ZC3H4: variants seen among roughly 807,000 people sequenced by gnomAD.
ZC3H4 encodes the protein zinc finger CCCH domain-containing protein 4.
Under a neutral mutation model 108.3 loss-of-function variants are expected in ZC3H4, and 13 were observed. That is an observed-to-expected ratio of 0.12 (90% confidence interval 0.08 to 0.19). The LOEUF (loss-of-function observed/expected upper bound fraction) is 0.19, where lower values mean the gene tolerates loss of function less well. ZC3H4 is among the 10% of genes least tolerant of loss of function. The pLI is 1.00. For missense variants in ZC3H4, 1,734 were observed against 1,838.8 expected, an observed-to-expected ratio of 0.94 and a Z score of 1.04; for synonymous variants, 917 against 749.6, an observed-to-expected ratio of 1.22 and a Z score of -3.65.
chr19:47,075,434 G>A (rs538617303), intron 11 of ZC3H4, among the ~76,000 whole-genome samples: 1 of 152,114 alleles, frequency 6.6e-6, no homozygotes, highest in South Asian at 2.1e-4. Context: ...CGCTGCAGCT[G>A]CCACCCTGCA....
chr19:47,097,105 G>T, intron 2 of ZC3H4: 1 of 603,774 alleles, frequency 1.7e-6, no homozygotes, highest in Non-Finnish European at 2.1e-6. Context: ...TTCTAGAAAG[G>T]AATCACCAAG....
Position 47,067,822 on chromosome 19 carries a change from T to A in ZC3H4, c.2446A>T (p.Ser816Cys). The change falls in exon 15 of 15, where the codon AGT becomes TGT. Residue 816 changes from serine (S) to cysteine (C), a missense_variant. Ser to Cys is a moderately radical substitution (Grantham distance 112, BLOSUM62 -1). Coordinates refer to ENST00000253048, the MANE Select transcript of ZC3H4 (RefSeq NM_015168.2). This position sits in a 1 kb window ranked among gnomAD's most constrained non-coding sequence, Gnocchi z 6.4. ...YSSDEDEGGS[S>C]VTSILKTLRQ... ...AAGGTCTTCAGGATGGAGGTGACAC[T>A]GCTTCCACCCTCATCCTCATCACTT... The A allele has an allele frequency of 6.2e-7, 1 of 1,608,194 alleles. No individual in the cohort carries two copies. The highest frequency in any genetic ancestry group is 8.5e-7 in the Non-Finnish European group (1 of 1,177,930).
chr19:47,087,816 G>A (rs533329678), intron 5 of ZC3H4, among the ~76,000 whole-genome samples: 2 of 152,182 alleles, frequency 1.3e-5, no homozygotes, highest in Non-Finnish European at 2.9e-5. Flanking sequence ...GGAGGTTGCA[G>A]TGAGCCAACA....
Position 47,066,652 on chromosome 19 carries a change from C to T in ZC3H4, c.3616G>A (p.Ala1206Thr). 6.2e-7 allele frequency: 1 copy of T among 1,611,930 alleles called. No homozygotes were observed. The highest frequency in any genetic ancestry group is 8.5e-7 in the Non-Finnish European group (1 of 1,179,642). The change falls in exon 15 of 15, where the codon GCT (alanine) becomes ACT (threonine). Residue 1206 changes from alanine to threonine, a missense_variant. By Grantham distance (58) the Ala-to-Thr change is moderately conservative. Around this residue, in one of 9 missense-constraint regions of ZC3H4, gnomAD observed 518 missense variants for 499.6 expected, o/e 1.04. Transcript: ENST00000253048. ...CTGTCCGTGGGGGTGCCCCCATCAG[C>T]ACCGGCCTTCCCTGTCTCTGGCTGT... ...LEQPETGKAG[A>T]DGGTPTDRYN... is the part of the protein sequence containing the mutation.
intron 10 of ZC3H4, among the ~76,000 whole-genome samples, chr19:47,081,828 C>T (rs2057528732): frequency 1.3e-5 from 2 of 152,130 alleles, no homozygotes; most frequent in South Asian, 2.1e-4. Flanking sequence ...GCACTTCCAG[C>T]CCCACTACAC....
chr19:47,074,855 C>G (rs1465455737), intron 11 of ZC3H4, among the ~76,000 whole-genome samples: 1 of 152,196 alleles, frequency 6.6e-6, no homozygotes, highest in Non-Finnish European at 1.5e-5. Context: ...CAGGCGCCCT[C>G]ATGTACTCAT....
chr19:47,072,858 G>A lies in ZC3H4; in HGVS notation c.1441-145C>T, dbSNP rs2057355194. ...AAGGCATAAAGACCACAATGGCTCT[G>A]TAACAAAAATCATCATCAGCCACCT... is the stretch of plus-strand genomic sequence containing the variant. On this transcript the variant is annotated intron_variant, in intron 11 of 14. Coordinates refer to ENST00000253048, the MANE Select transcript of ZC3H4 (RefSeq NM_015168.2). This position sits in a 1 kb window ranked among gnomAD's most constrained non-coding sequence, Gnocchi z 5.6. The A allele has an allele frequency of 1.1e-6, 1 of 933,754 alleles. No homozygotes were observed. The highest frequency in any genetic ancestry group is 1.6e-6 in the Non-Finnish European group (1 of 637,388). The allele number at this position is 933,754 out of a possible 1,614,324, so 57.8% of individuals were successfully genotyped here.
chr19:47,070,135 G>C (rs961292653), intron 13 of ZC3H4, among the ~76,000 whole-genome samples: 5 of 150,116 alleles, frequency 3.3e-5, no homozygotes, highest in African/African-American at 1.3e-4. Context: ...CCGAAACGGA[G>C]GGGGGGGCGT....
chr19:47,097,393 C>A (rs576545501), intron 2 of ZC3H4, among the ~76,000 whole-genome samples: 35 of 152,326 alleles, frequency 2.3e-4, no homozygotes, highest in African/African-American at 7.5e-4. Context: ...ATTCTCAGGG[C>A]CCTCTGGCCA....
At position 47,067,759 on chromosome 19, in the gene ZC3H4, C is replaced by G. The variant is rs1448608096; in HGVS notation, c.2509G>C (p.Gly837Arg). 1 of 1,609,218 alleles carries G rather than the reference C, an allele frequency of 6.2e-7. No individual in the cohort carries two copies. The highest frequency in any genetic ancestry group is 8.5e-7 in the Non-Finnish European group (1 of 1,178,792). Residue 837 changes from glycine (G) to arginine (R), a missense_variant, in exon 15 of 15, where the codon GGG (glycine) becomes CGG (arginine). Around this residue, in one of 9 missense-constraint regions of ZC3H4, gnomAD observed 540 missense variants for 484.1 expected, o/e 1.12. Transcript: ENST00000253048. The surrounding 1 kb of genome is among the most constrained non-coding windows in gnomAD (Gnocchi z 6.4). ...QTSSRPPASV[G>R]ELSSSGLGDP... is the part of the protein sequence containing the mutation. ...CCCAGCCCACTGCTGCTCAGCTCCC[C>G]AACTGAAGCCGGGGGTCGGCTGGAC...
At chr19:47,104,223 G>A (rs997515849) in intron 2 of ZC3H4, among the ~76,000 whole-genome samples, 5 of 152,126 alleles carry the variant, frequency 3.3e-5, no homozygotes, top group Admixed American at 3.3e-4. Context: ...GGAGGCTGAG[G>A]CAGGAGAATC....
chr19:47,112,528 TGGCGGCGGC>T lies in ZC3H4; in HGVS notation c.48_56del (p.Pro17_Pro19del), dbSNP rs765998036. On this transcript the variant is annotated inframe_deletion, in exon 2 of 15. Coordinates refer to ENST00000253048, the MANE Select transcript of ZC3H4 (RefSeq NM_015168.2). Reference sequence around the variant, plus strand: ...AAGGCGTTGATGGCGGCGGCGGCGATGGCGGCGGCGGCGACTCTGATGGCGGCGGCGGGG... The same window carrying T: ...AAGGCGTTGATGGCGGCGGCGGCGATGGCGACTCTGATGGCGGCGGCGGGG... 34 of 1,066,714 alleles carry T rather than the reference TGGCGGCGGC, an allele frequency of 3.2e-5. No individual in the cohort carries two copies. Among genetic ancestry groups the T allele is most frequent in the Non-Finnish European group, 3.8e-5 (32 of 833,200 alleles). The allele number at this position is 1,066,714 out of a possible 1,614,324, so 66.1% of individuals were successfully genotyped here.
At chr19:47,099,396 T>G (rs1348552049) in intron 2 of ZC3H4, among the ~76,000 whole-genome samples, 1 of 151,288 alleles carries the variant, frequency 6.6e-6, no homozygotes, top group Non-Finnish European at 1.5e-5. Context: ...GAGGCGGAGG[T>G]TGCAGTGAGC....
In ZC3H4 at chr19:47,099,405, G is replaced by A. The variant is rs564073957; in HGVS notation, c.162-4797C>T. Among the ~76,000 whole-genome samples the A allele has an allele frequency of 9.9e-5, 15 of 151,496 alleles. 3 individuals carry two copies. The South Asian group carries it at 2.9e-3, about 29-fold the overall frequency. ...ACCTGGGAGGCGGAGGTTGCAGTGA[G>A]CCAAGATCACGCCACTACACTCCAG... On this transcript the variant is annotated intron_variant, in intron 2 of 14. Coordinates refer to ENST00000253048, the MANE Select transcript of ZC3H4 (RefSeq NM_015168.2).
At chr19:47,094,294 G>T in intron 3 of ZC3H4, 95 bp downstream of exon 3, 1 of 1,375,970 alleles carries the variant, frequency 7.3e-7, no homozygotes, top group Non-Finnish European at 1.0e-6. Context: ...GGCATTAAGA[G>T]TGCCCTCTGG....
In ZC3H4 at chr19:47,065,323, TCACA is replaced by T. The variant is rs1208828194; in HGVS notation, c.*1029_*1032del. On this transcript the variant is annotated 3_prime_UTR_variant, in exon 15 of 15. Coordinates refer to ENST00000253048, the MANE Select transcript of ZC3H4 (RefSeq NM_015168.2). ...ACATCAATACCTCATGCCCTGCAGG[TCACA>T]CAGTGTAAGGAGGTGCGAGGAAAAC... The T allele has an allele frequency of 6.5e-6, 1 of 152,678 alleles. No individual in the cohort carries two copies. The highest frequency in any genetic ancestry group is 2.4e-5 in the African/African-American group (1 of 41,438). 9.5% of individuals were successfully genotyped at this position (152,678 alleles called of 1,614,324 possible).
Position 47,069,282 on chromosome 19 carries a change from G to A in ZC3H4, c.2208C>T (p.His736=). The A allele has an allele frequency of 6.2e-7, 1 of 1,613,956 alleles. No individual in the cohort carries two copies. Residue 736 remains histidine, a synonymous_variant, in exon 14 of 15, where the codon CAC becomes CAT. Coordinates refer to ENST00000253048, the MANE Select transcript of ZC3H4 (RefSeq NM_015168.2). ...GEPGEHLFPE[H]PLEPDSFSEG... ...CAGAGAAGCTGTCGGGCTCCAGAGGGTGCTCAGGGAAGAGGTGCTCCCCAG... is the reference window on the plus strand; with the variant it reads ...CAGAGAAGCTGTCGGGCTCCAGAGGATGCTCAGGGAAGAGGTGCTCCCCAG...
At position 47,085,369 on chromosome 19, in the gene ZC3H4, A is replaced by G. The variant is rs2057600834; in HGVS notation, c.916T>C (p.Tyr306His). 6.2e-7 allele frequency: 1 copy of G among 1,602,862 alleles called. No individual in the cohort carries two copies. The highest frequency in any genetic ancestry group is 8.5e-7 in the Non-Finnish European group (1 of 1,174,464). Residue 306 changes from tyrosine (Y) to histidine (H), a missense_variant, in exon 7 of 15, where the codon TAC (tyrosine) becomes CAC (histidine). Coordinates refer to ENST00000253048, the MANE Select transcript of ZC3H4 (RefSeq NM_015168.2). The stretch of plus-strand genomic sequence containing the variant: ...CGGTACTGGTTCAGCTCCTTGGAGT[A>G]CTCGTCATAGTCGTCGTCTCCCATT... Reference protein sequence around the residue: ...EPMGDDDYDEYSKELNQYRRS... With the variant: ...EPMGDDDYDEHSKELNQYRRS...
rs372563951 is a variant in ZC3H4 at position 47,069,082 on chromosome 19, G to A, written c.2398+10C>T. On this transcript the variant is annotated intron_variant, in intron 14 of 14. Transcript: ENST00000253048. ...GGGCCTGTGCCCCGGCCCCTGGGGCGGACACGTGCCTTCCTCATTCTCCCG... is the reference window on the plus strand; with the variant it reads ...GGGCCTGTGCCCCGGCCCCTGGGGCAGACACGTGCCTTCCTCATTCTCCCG... 1.4e-4 allele frequency: 226 copies of A among 1,602,178 alleles called. No homozygotes were observed. The highest frequency in any genetic ancestry group is 8.5e-4 in the African/African-American group (64 of 74,894).
Sources: gnomAD v4.1 joint callset for allele counts (sites outside exome capture counted in the v4.1 genomes callset) on GRCh38, gnomAD v4.1.1 for gene constraint, gnomAD v4.1.1 regional missense constraint, Gnocchi (gnomAD v3.1) non-coding constraint, MANE v1.5 for transcripts, NCBI Gene and HGNC (gene_info 2026-07-23, HGNC 2026-07-21) for gene names.